Variants in WNK2 observed in about 807,000 individuals in gnomAD.
The protein encoded by WNK2 is WNK lysine deficient protein kinase 2, also known as serine/threonine-protein kinase WNK2.
A neutral mutation model predicts 192.1 loss-of-function variants in WNK2; 67 were observed. The ratio of observed to expected loss-of-function variants is 0.35; its 90% CI spans 0.29 to 0.43. The LOEUF (loss-of-function observed/expected upper bound fraction) is 0.43, where lower values mean the gene tolerates loss of function less well. WNK2 is among the 20% of genes least tolerant of loss of function. WNK2 has a pLI of 1.00. For synonymous variants in WNK2, 1,439 were observed against 1,393.9 expected (o/e 1.03, Z -0.72); for missense variants, 2,698 against 3,089.7 (o/e 0.87, Z 3.01).
At chr9:93,275,878 C>T (rs1295474851) in intron 19 of WNK2, among the ~76,000 whole-genome samples, 1 of 152,190 alleles carries the variant, frequency 6.6e-6, no homozygotes, top group Non-Finnish European at 1.5e-5. Context: ...AAAGGATTTA[C>T]ATAGATCCAA....
In WNK2 at chr9:93,294,720, A is replaced by C. The variant is rs114550139; in HGVS notation, c.5708+1547A>C. Among the ~76,000 whole-genome samples, 1,305 of 152,130 alleles carry C rather than the reference A, an allele frequency of 8.6e-3. 24 individuals carry two copies. The highest frequency in any genetic ancestry group is 0.03 in the African/African-American group (1,234 of 41,526). On this transcript the variant is annotated intron_variant, in intron 23 of 29. Transcript: ENST00000427277. ...GAGCCAGAGACAGAGGGTAGAGATAATGGGGTGGGGACTAGAAATGGCAGA... is the reference window on the plus strand; with the variant it reads ...GAGCCAGAGACAGAGGGTAGAGATACTGGGGTGGGGACTAGAAATGGCAGA...
intron 2 of WNK2, among the ~76,000 whole-genome samples, chr9:93,200,554 G>T (rs1221706554): frequency 2.6e-5 from 4 of 152,252 alleles, no homozygotes; most frequent in African/African-American, 9.6e-5. Context: ...CAGCCTGTCA[G>T]TCGCTCTGGT....
intron 2 of WNK2, among the ~76,000 whole-genome samples, chr9:93,210,855 T>C (rs1834369032): frequency 6.6e-6 from 1 of 152,132 alleles, no homozygotes; most frequent in East Asian, 1.9e-4. Context: ...CTCCTTTGGG[T>C]CTCAAGGGTG....
At position 93,229,522 on chromosome 9, in the gene WNK2, AAGG is replaced by A. The variant is rs576325794; in HGVS notation, c.682-171_682-169del. Among the ~76,000 whole-genome samples, 796 of 152,170 alleles carry A rather than the reference AAGG, an allele frequency of 5.2e-3. 6 individuals carry two copies. Among genetic ancestry groups the A allele is most frequent in the African/African-American group, 0.018 (747 of 41,512 alleles). ...GGCTGTGTCCAGGGTTGTGGGGACT[AAGG>A]AGTCAGCAGTTGTGGTGCCAGTGTC... On this transcript the variant is annotated intron_variant, in intron 2 of 29. Transcript: ENST00000427277. This position sits in a 1 kb window ranked among gnomAD's most constrained non-coding sequence, Gnocchi z 4.9.
chr9:93,188,112 T>A lies in WNK2; in HGVS notation c.681+2502T>A, dbSNP rs543449133. Among the ~76,000 whole-genome samples, 9 of 152,230 alleles carry A rather than the reference T, an allele frequency of 5.9e-5. No homozygotes were observed. In the South Asian group the frequency reaches 1.5e-3, roughly 25 times the overall value. ...ACTGTAGAGGGAGGGTCTAGGGGGATGTTGCCTTCAGCCAGGAGCCCTTCT... is the reference window on the plus strand; with the variant it reads ...ACTGTAGAGGGAGGGTCTAGGGGGAAGTTGCCTTCAGCCAGGAGCCCTTCT... On this transcript the variant is annotated intron_variant, in intron 2 of 29. Transcript: ENST00000427277.
In WNK2 at chr9:93,259,307, C is replaced by T. The variant is rs1236925669; in HGVS notation, c.2759C>T (p.Ala920Val). The T allele has an allele frequency of 3.1e-6, 5 of 1,613,622 alleles. No individual in the cohort carries two copies. The highest frequency in any genetic ancestry group is 1.7e-5 in the Admixed American group (1 of 60,002). Reference protein sequence around the residue: ...PVYPAAFPQMAPTDVPPSPHH... With the variant: ...PVYPAAFPQMVPTDVPPSPHH... ...TACCCAGCGGCCTTCCCACAGATGG[C>T]GCCTACTGACGTCCCTCCTTCCCCC... Residue 920 changes from alanine to valine, a missense_variant, in exon 12 of 30, where the codon GCG becomes GTG. Ala to Val is a moderately conservative substitution (Grantham distance 64). Around this residue, in one of 7 missense-constraint regions of WNK2, gnomAD observed 893 missense variants for 909.0 expected, o/e 0.98. Coordinates refer to ENST00000427277, the MANE Select transcript of WNK2 (RefSeq NM_006648.4). This position sits in a 1 kb window ranked among gnomAD's most constrained non-coding sequence, Gnocchi z 4.8.
chr9:93,299,940 C>T (rs568281034), intron 25 of WNK2, 111 bp from the exon 26 acceptor site: 8 of 803,578 alleles, frequency 1.0e-5, no homozygotes, highest in Middle Eastern at 2.5e-4. Flanking sequence ...TAGATGGAGC[C>T]GTGGATGTTA....
At chr9:93,315,849 C>G (rs1371922483) in intron 28 of WNK2, 1 of 150,026 alleles carries the variant, frequency 6.7e-6, no homozygotes. Flanking sequence ...GTCTACCAAT[C>G]TGTGGTTTGT....
chr9:93,311,922 G>T (rs139878527), intron 28 of WNK2, among the ~76,000 whole-genome samples: 92 of 152,252 alleles, frequency 6.0e-4, no homozygotes, highest in African/African-American at 2.1e-3. Context: ...GCGCCACCGC[G>T]TTCAGCCATC....
At chr9:93,311,934 T>A (rs1853736228) in intron 28 of WNK2, among the ~76,000 whole-genome samples, 1 of 152,232 alleles carries the variant, frequency 6.6e-6, no homozygotes, top group Non-Finnish European at 1.5e-5. Flanking sequence ...TCAGCCATCC[T>A]TTCTGGTTTT....
chr9:93,187,731 T>A (rs1587720347), intron 2 of WNK2, among the ~76,000 whole-genome samples: 1 of 151,984 alleles, frequency 6.6e-6, no homozygotes, highest in East Asian at 1.9e-4. Flanking sequence ...TGTAGAGTGG[T>A]GTAGGCTGAC....
At chr9:93,319,472 T>C in intron 29 of WNK2, 1 of 944,654 alleles carries the variant, frequency 1.1e-6, no homozygotes, top group Non-Finnish European at 1.3e-6. Flanking sequence ...GCTCTGCTGG[T>C]CGGGTTAGCT....
At chr9:93,278,950 A>G (rs779430354) in intron 19 of WNK2, among the ~76,000 whole-genome samples, 11 of 152,378 alleles carry the variant, frequency 7.2e-5, no homozygotes, top group South Asian at 6.2e-4. Flanking sequence ...AAACATCTTC[A>G]GAAGACTTGG....
intron 2 of WNK2, among the ~76,000 whole-genome samples, chr9:93,209,234 C>T (rs369938280): frequency 3.7e-4 from 57 of 152,252 alleles, no homozygotes; most frequent in Middle Eastern, 3.4e-3. Flanking sequence ...GAGTCCATGG[C>T]GATCTCCTGG....
intron 2 of WNK2, among the ~76,000 whole-genome samples, chr9:93,217,085 A>C (rs955540870): frequency 2.6e-5 from 4 of 151,804 alleles, no homozygotes; most frequent in Non-Finnish European, 4.4e-5. Flanking sequence ...CAGCCTCCCA[A>C]GTAGCTGAGA....
intron 2 of WNK2, among the ~76,000 whole-genome samples, chr9:93,215,086 G>T (rs1409489676): frequency 1.3e-5 from 2 of 151,590 alleles, no homozygotes; most frequent in East Asian, 3.9e-4. Context: ...TCACTATGTT[G>T]CCCAAGCTGG....
intron 8 of WNK2, among the ~76,000 whole-genome samples, chr9:93,250,004 C>A (rs545809738): frequency 6.8e-6 from 1 of 147,438 alleles, no homozygotes; most frequent in Non-Finnish European, 1.5e-5. Flanking sequence ...ACCTCTGCCT[C>A]CTGGGTTCAA....
intron 6 of WNK2, 130 bp downstream of exon 6, chr9:93,238,451 C>T (rs1374052170): frequency 3.6e-6 from 3 of 836,114 alleles, no homozygotes; most frequent in Non-Finnish European, 3.9e-6. Context: ...GTCTGGGGCA[C>T]GTTAGCAGGG....
intron 13 of WNK2, 145 bp from the exon 14 acceptor site, chr9:93,262,525 C>A: frequency 1.2e-6 from 1 of 863,588 alleles, no homozygotes; most frequent in Non-Finnish European, 1.9e-6. Flanking sequence ...GTCGTACCCA[C>A]CTGGCTGCAG....
Sources: allele counts gnomAD v4.1 joint callset (sites outside exome capture counted in the v4.1 genomes callset), GRCh38; gene constraint gnomAD v4.1.1; regional missense constraint gnomAD v4.1.1; non-coding constraint Gnocchi (gnomAD v3.1); transcripts MANE v1.5; gene names NCBI Gene and HGNC (gene_info 2026-07-23, HGNC 2026-07-21).